LSAMP: variants seen among roughly 807,000 people sequenced by gnomAD.
LSAMP encodes the protein limbic system-associated membrane protein.
LSAMP carries 7 observed loss-of-function variants against 38.6 expected under a neutral mutation model. The ratio of observed to expected loss-of-function variants is 0.18; its 90% CI spans 0.10 to 0.34. LSAMP has a LOEUF of 0.34. LSAMP is among the 10% of genes least tolerant of loss of function. The pLI is 1.00. For synonymous variants in LSAMP, 154 were observed against 166.8 expected (o/e 0.92, Z 0.59); for missense variants, 313 against 420.0 (o/e 0.75, Z 2.23).
At chr3:116,218,581 C>G (rs2046247803) in intron 1 of LSAMP, among the ~76,000 whole-genome samples, 2 of 152,174 alleles carry the variant, frequency 1.3e-5, no homozygotes, top group African/African-American at 4.8e-5. Context: ...ACGGAGTTCA[C>G]TGATAACCTT....
At chr3:116,171,239 G>A (rs752557468) in intron 1 of LSAMP, among the ~76,000 whole-genome samples, 1 of 152,088 alleles carries the variant, frequency 6.6e-6, no homozygotes, top group Admixed American at 6.6e-5. Context: ...TGTTTAACAA[G>A]CATTTGATTT....
chr3:115,841,813 C>T, intron 6 of LSAMP, 32 bp downstream of exon 6: 1 of 1,562,954 alleles, frequency 6.4e-7, no homozygotes. Flanking sequence ...AATTTAATTC[C>T]ATCAAGTTGG....
chr3:116,261,950 TAAAGTA>T (rs1247113726), intron 1 of LSAMP, among the ~76,000 whole-genome samples: 2 of 151,078 alleles, frequency 1.3e-5, no homozygotes, highest in Non-Finnish European at 3.0e-5. Context: ...TTTTCTAAAT[TAAAGTA>T]AGAGACCAGT....
At chr3:116,083,076 G>A in intron 2 of LSAMP, among the ~76,000 whole-genome samples, 1 of 152,144 alleles carries the variant, frequency 6.6e-6, no homozygotes, top group East Asian at 1.9e-4. Flanking sequence ...CTGAAGACTA[G>A]ATGTTAAGGA....
intron 3 of LSAMP, among the ~76,000 whole-genome samples, chr3:116,017,460 G>C (rs868727162): frequency 1.3e-5 from 2 of 152,112 alleles, no homozygotes; most frequent in Middle Eastern, 3.4e-3. Context: ...AAGTTAATTA[G>C]AAAAGGTGAG....
At chr3:115,877,995 A>G (rs6769177) in intron 3 of LSAMP, among the ~76,000 whole-genome samples, 101,919 of 151,896 alleles carry the variant, frequency 0.67, 34,369 homozygotes, top group Middle Eastern at 0.76. Context: ...TAAACTTAAT[A>G]GGAAAGAAGG....
intron 2 of LSAMP, among the ~76,000 whole-genome samples, chr3:116,033,422 A>G (rs1408222206): frequency 1.3e-5 from 2 of 152,110 alleles, no homozygotes; most frequent in African/African-American, 4.8e-5. Context: ...AGAAAATGTC[A>G]AAAGATTTCT....
intron 1 of LSAMP, among the ~76,000 whole-genome samples, chr3:116,175,486 C>G (rs1162025894): frequency 6.6e-6 from 1 of 151,902 alleles, no homozygotes; most frequent in East Asian, 1.9e-4. Context: ...ACTTATTTGT[C>G]CTATCTAGTT....
rs575084626 is a variant in LSAMP at position 116,134,288 on chromosome 3, A to T, written c.156-47732T>A. Among the ~76,000 whole-genome samples the T allele has an allele frequency of 1.4e-4, 22 of 152,288 alleles. 1 individual carries two copies. The Middle Eastern group carries it at 0.024, about 165-fold the overall frequency. ...TACCTCCCTTCATCTCCACTGATAA[A>T]GCCCTAGTACACATGTCTGTAACTT... is the stretch of plus-strand genomic sequence containing the variant. On this transcript the variant is annotated intron_variant, in intron 1 of 6. Coordinates refer to ENST00000490035, the MANE Select transcript of LSAMP (RefSeq NM_002338.5).
intron 1 of LSAMP, among the ~76,000 whole-genome samples, chr3:116,324,521 AGT>A (rs957305056): frequency 6.6e-6 from 1 of 152,154 alleles, no homozygotes; most frequent in African/African-American, 2.4e-5. Flanking sequence ...ACATTTACAG[AGT>A]GTGTAGTGAT....
At chr3:115,934,497 T>C (rs1937635893) in intron 3 of LSAMP, among the ~76,000 whole-genome samples, 1 of 152,128 alleles carries the variant, frequency 6.6e-6, no homozygotes, top group South Asian at 2.1e-4. Context: ...TATGGTGTTT[T>C]AAAAGTGTTA....
chr3:116,119,734 C>T (rs560662895), intron 1 of LSAMP, among the ~76,000 whole-genome samples: 1 of 151,282 alleles, frequency 6.6e-6, no homozygotes, highest in East Asian at 1.9e-4. Flanking sequence ...TCTCGGCTCA[C>T]TGCAACCTTT....
chr3:116,010,043 A>G (rs1008720832), intron 3 of LSAMP, among the ~76,000 whole-genome samples: 1 of 152,088 alleles, frequency 6.6e-6, no homozygotes, highest in Non-Finnish European at 1.5e-5. Flanking sequence ...CAGCCTCCCA[A>G]GTAGCTGGGA....
chr3:116,335,567 C>T (rs1204439620), intron 1 of LSAMP, among the ~76,000 whole-genome samples: 1 of 152,006 alleles, frequency 6.6e-6, no homozygotes, highest in Non-Finnish European at 1.5e-5. Flanking sequence ...TTTGCATATG[C>T]AGATGTCCTT....
rs184100363 is a variant in LSAMP at position 116,046,959 on chromosome 3, G to A, written c.389-27319C>T. ...AGGCAGATGAAAAAATGGCTGATCA[G>A]GTCAGAGTTTTTCAAATCATCTCCC... On this transcript the variant is annotated intron_variant, in intron 2 of 6. Transcript: ENST00000490035. Among the ~76,000 whole-genome samples the A allele has an allele frequency of 1.7e-3, 253 of 152,266 alleles. 2 individuals are homozygous for A. The highest frequency in any genetic ancestry group is 5.9e-3 in the African/African-American group (244 of 41,546).
intron 1 of LSAMP, among the ~76,000 whole-genome samples, chr3:116,087,399 G>C (rs1034161189): frequency 6.6e-6 from 1 of 152,190 alleles, no homozygotes; most frequent in Non-Finnish European, 1.5e-5. Context: ...ATTAGTGAAG[G>C]AGGGGTAAAT....
intron 1 of LSAMP, among the ~76,000 whole-genome samples, chr3:116,211,876 A>G (rs1025496118): frequency 1.3e-5 from 2 of 152,228 alleles, no homozygotes; most frequent in African/African-American, 4.8e-5. Context: ...AAAACAAAAC[A>G]TGAGGGATGG....
chr3:115,921,318 C>T (rs1035431563), intron 3 of LSAMP, among the ~76,000 whole-genome samples: 1 of 151,836 alleles, frequency 6.6e-6, no homozygotes, highest in Non-Finnish European at 1.5e-5. Flanking sequence ...TAGTGACATG[C>T]ATTGATTCTT....
At chr3:116,337,383 G>A (rs1452441128) in intron 1 of LSAMP, among the ~76,000 whole-genome samples, 3 of 151,808 alleles carry the variant, frequency 2.0e-5, no homozygotes, top group South Asian at 2.1e-4. Flanking sequence ...ATATCTGTTC[G>A]AACCCTACAT....
Sources: allele counts gnomAD v4.1 joint callset (sites outside exome capture counted in the v4.1 genomes callset), GRCh38; gene constraint gnomAD v4.1.1; transcripts MANE v1.5; gene names NCBI Gene and HGNC (gene_info 2026-07-23, HGNC 2026-07-21).